The following SUPT3H variants were observed in gnomAD, a reference collection of about 807,000 sequenced individuals.
SUPT3H encodes SPT3 homolog, SAGA and STAGA complex component.
A neutral mutation model predicts 44.3 loss-of-function variants in SUPT3H; 44 were observed. The ratio of observed to expected loss-of-function variants is 0.99; its 90% CI spans 0.78 to 1.28. SUPT3H has a LOEUF of 1.28. SUPT3H is among the 50% of genes most tolerant of loss of function. The pLI is 0.00. For missense variants in SUPT3H, 380 were observed against 387.1 expected, an observed-to-expected ratio of 0.98 and a Z score of 0.15; for synonymous variants, 124 against 125.6, an observed-to-expected ratio of 0.99 and a Z score of 0.09.
In SUPT3H at chr6:44,928,882, C is replaced by CAAAATAAAAAAAAAAA. The variant is rs1491206167; in HGVS notation, c.912+3770_912+3771insTTTTTTTTTTTATTTT. Among the ~76,000 whole-genome samples, 6 of 20,644 alleles carry CAAAATAAAAAAAAAAA rather than the reference C, an allele frequency of 2.9e-4. 2 individuals carry two copies. The highest frequency in any genetic ancestry group is 1.6e-3 in the African/African-American group (5 of 3,180). 13.5% of individuals were successfully genotyped at this position (20,644 alleles called of 152,430 possible). A position where few individuals can be genotyped will look rare whatever the true frequency, so the allele number is the denominator to read the frequency against. Reference sequence around the variant, plus strand: ...TGGGCGACAGAACGAGACTCCGTCTCAAAAAAAAAAAAAAAAAAAAAAGAA... The same window carrying CAAAATAAAAAAAAAAA: ...TGGGCGACAGAACGAGACTCCGTCTCAAAATAAAAAAAAAAAAAAAAAAAAAAAAAAAAAAAAAGAA... On this transcript the variant is annotated intron_variant, in intron 10 of 10. Coordinates refer to ENST00000371459, the MANE Select transcript of SUPT3H (RefSeq NM_003599.4).
At chr6:45,178,103 C>T (rs147882721) in intron 2 of SUPT3H, among the ~76,000 whole-genome samples, 200 of 152,004 alleles carry the variant, frequency 1.3e-3, no homozygotes, top group African/African-American at 4.6e-3. Context: ...TTAAATGCTC[C>T]AATTAGAAGA....
chr6:44,901,497 A>T (rs893513486), intron 10 of SUPT3H, among the ~76,000 whole-genome samples: 1 of 152,212 alleles, frequency 6.6e-6, no homozygotes, highest in African/African-American at 2.4e-5. Context: ...GAAACGAACA[A>T]AGCCTCCAAG....
chr6:45,273,942 T>A (rs1318428534), intron 2 of SUPT3H, among the ~76,000 whole-genome samples: 1 of 152,234 alleles, frequency 6.6e-6, no homozygotes, highest in African/African-American at 2.4e-5. Flanking sequence ...ATCAACATTG[T>A]AAGGTTTCAA....
At chr6:44,953,100 G>A (rs1023385092) in intron 9 of SUPT3H, among the ~76,000 whole-genome samples, 7 of 152,114 alleles carry the variant, frequency 4.6e-5, no homozygotes, top group Non-Finnish European at 7.4e-5. Flanking sequence ...CAAGAAAAAC[G>A]TGAAAAAAGT....
intron 3 of SUPT3H, among the ~76,000 whole-genome samples, chr6:45,036,129 T>A (rs146808084): frequency 6.6e-6 from 1 of 152,162 alleles, no homozygotes; most frequent in Non-Finnish European, 1.5e-5. Flanking sequence ...CATGTTGTCA[T>A]GAAGCTTATC....
At chr6:44,963,398 G>A (rs1490097870) in intron 6 of SUPT3H, among the ~76,000 whole-genome samples, 1 of 152,168 alleles carries the variant, frequency 6.6e-6, no homozygotes, top group Non-Finnish European at 1.5e-5. Flanking sequence ...GCTGAGGCAG[G>A]AGAATTGCTT....
intron 2 of SUPT3H, among the ~76,000 whole-genome samples, chr6:45,316,059 T>A (rs1168163735): frequency 6.6e-6 from 1 of 152,108 alleles, no homozygotes; most frequent in Non-Finnish European, 1.5e-5. Flanking sequence ...TTATTCCAAG[T>A]GAAGTAACTC....
At chr6:45,091,679 A>G (rs1263890202) in intron 3 of SUPT3H, among the ~76,000 whole-genome samples, 1 of 152,114 alleles carries the variant, frequency 6.6e-6, no homozygotes, top group African/African-American at 2.4e-5. Context: ...AATGTTTCTT[A>G]TAAGTGATGC....
At chr6:45,366,262 A>G (rs1795119373) in intron 1 of SUPT3H, among the ~76,000 whole-genome samples, 1 of 152,214 alleles carries the variant, frequency 6.6e-6, no homozygotes, top group African/African-American at 2.4e-5. Context: ...GTAAACTAAG[A>G]GGGCAGGTTC....
chr6:45,032,667 A>G (rs1439749759), intron 3 of SUPT3H, among the ~76,000 whole-genome samples: 1 of 152,170 alleles, frequency 6.6e-6, no homozygotes, highest in Non-Finnish European at 1.5e-5. Context: ...CGTAGAGAAG[A>G]TGGAACCTCA....
rs940964661 is a variant in SUPT3H, at chr6:45,318,293, T to C, written c.101+46908A>G. 2.0e-5 allele frequency among the ~76,000 whole-genome samples: 3 copies of C among 152,060 alleles called. No homozygotes were observed. In the East Asian group the frequency reaches 5.8e-4, roughly 29 times the overall value. On this transcript the variant is annotated intron_variant, in intron 2 of 10. Transcript: ENST00000371459. Reference sequence around the variant, plus strand: ...AAGGATAGGAGGTGCACAGAGGATATTTAGGGCAGTGAAACTATTCTGGAT... The same window carrying C: ...AAGGATAGGAGGTGCACAGAGGATACTTAGGGCAGTGAAACTATTCTGGAT...
intron 10 of SUPT3H, among the ~76,000 whole-genome samples, chr6:44,899,978 C>T (rs1764708666): frequency 6.6e-6 from 1 of 152,134 alleles, no homozygotes; most frequent in African/African-American, 2.4e-5. Flanking sequence ...GATTAAGATA[C>T]AATTATTTTT....
intron 2 of SUPT3H, among the ~76,000 whole-genome samples, chr6:45,267,649 C>A (rs1775470977): frequency 6.6e-6 from 1 of 152,182 alleles, no homozygotes; most frequent in Non-Finnish European, 1.5e-5. Context: ...ACACCATCTA[C>A]ATCCAATATA....
At chr6:45,329,881 T>C (rs1787109428) in intron 2 of SUPT3H, among the ~76,000 whole-genome samples, 1 of 151,870 alleles carries the variant, frequency 6.6e-6, no homozygotes, top group African/African-American at 2.4e-5. Flanking sequence ...AAGGCAAGTT[T>C]TCAAAAATTT....
At chr6:45,377,679 G>A (rs1369351296) in intron 1 of SUPT3H, 89 bp downstream of exon 1, 1 of 152,268 alleles carries the variant, frequency 6.6e-6, no homozygotes, top group Non-Finnish European at 1.5e-5. Flanking sequence ...GGGGCCCAGC[G>A]ACGCTGGGAT....
At chr6:44,909,164 T>TGTGTGTGTGTG (rs1483772233) in intron 10 of SUPT3H, among the ~76,000 whole-genome samples, 3 of 151,568 alleles carry the variant, frequency 2.0e-5, no homozygotes, top group African/African-American at 4.8e-5. Flanking sequence ...TGTGTGTGTG[T>TGTGTGTGTGTG]GTGTGTGGTT....
At chr6:45,079,068 T>C (rs1025678687) in intron 3 of SUPT3H, among the ~76,000 whole-genome samples, 19 of 152,148 alleles carry the variant, frequency 1.2e-4, no homozygotes, top group Non-Finnish European at 2.9e-5. Flanking sequence ...CCCAGCACTT[T>C]GGGAGGCCGA....
intron 10 of SUPT3H, among the ~76,000 whole-genome samples, chr6:44,929,344 A>T (rs1770163156): frequency 6.6e-6 from 1 of 152,170 alleles, no homozygotes; most frequent in South Asian, 2.1e-4. Flanking sequence ...TTCCATGTAA[A>T]CTATTAACAA....
chr6:44,845,637 C>A (rs1006582599), intron 10 of SUPT3H, among the ~76,000 whole-genome samples: 3 of 152,138 alleles, frequency 2.0e-5, no homozygotes, highest in Non-Finnish European at 4.4e-5. Flanking sequence ...AAACCTGAGA[C>A]CCTAGTGGGC....
Sources: allele counts gnomAD v4.1 joint callset (sites outside exome capture counted in the v4.1 genomes callset), GRCh38; gene constraint gnomAD v4.1.1; transcripts MANE v1.5; gene names NCBI Gene and HGNC (gene_info 2026-07-23, HGNC 2026-07-21).